PRKAG2: variants seen among roughly 807,000 people sequenced by gnomAD.
PRKAG2 encodes protein kinase AMP-activated non-catalytic subunit gamma 2.
Under a neutral mutation model 69.6 loss-of-function variants are expected in PRKAG2, and 26 were observed. The observed-to-expected ratio is 0.37, with a 90% confidence interval of 0.27 to 0.52. The LOEUF is 0.52. Among genes scored for constraint, PRKAG2 ranks in the 20% least tolerant of loss-of-function variants. The pLI is 0.90. For synonymous variants in PRKAG2, 293 were observed against 285.0 expected (o/e 1.03, Z -0.28); for missense variants, 557 against 740.0 (o/e 0.75, Z 2.87).
intron 4 of PRKAG2, among the ~76,000 whole-genome samples, chr7:151,653,332 G>C (rs1290287913): frequency 6.6e-6 from 1 of 152,090 alleles, no homozygotes; most frequent in Non-Finnish European, 1.5e-5. Context: ...GACTATTCTA[G>C]TGCTGATTAA....
chr7:151,827,599 T>C (rs1200341452), intron 1 of PRKAG2, among the ~76,000 whole-genome samples: 4 of 151,940 alleles, frequency 2.6e-5, no homozygotes, highest in Non-Finnish European at 5.9e-5. Flanking sequence ...AATAGGTAGG[T>C]AGACCTAGAG....
intron 2 of PRKAG2, 71 bp downstream of exon 2, chr7:151,786,398 TG>T: frequency 7.1e-7 from 1 of 1,418,250 alleles, no homozygotes; most frequent in Non-Finnish European, 9.8e-7. Flanking sequence ...CAGGTGGAAG[TG>T]GGCTCAGGCT....
intron 1 of PRKAG2, among the ~76,000 whole-genome samples, chr7:151,827,775 C>T (rs1340533781): frequency 2.1e-5 from 1 of 47,938 alleles, no homozygotes; most frequent in Non-Finnish European, 4.8e-5. Context: ...AAAAAAAAAA[C>T]TGCCTTGCTG....
At chr7:151,706,848 T>C (rs1585928164) in intron 3 of PRKAG2, among the ~76,000 whole-genome samples, 1 of 152,136 alleles carries the variant, frequency 6.6e-6, no homozygotes, top group South Asian at 2.1e-4. Context: ...CCCATGCATC[T>C]CAGCCCAATT....
At chr7:151,749,686 G>A (rs1276623978) in intron 3 of PRKAG2, among the ~76,000 whole-genome samples, 1 of 151,652 alleles carries the variant, frequency 6.6e-6, no homozygotes, top group African/African-American at 2.4e-5. Context: ...AGACACACAG[G>A]TGGCCAAAAG....
In PRKAG2 at chr7:151,685,767, T is replaced by TA. The variant is rs55879822; in HGVS notation, c.467-10131dup. Among the ~76,000 whole-genome samples, 968 of 145,648 alleles carry TA rather than the reference T, an allele frequency of 6.6e-3. 14 individuals carry two copies. The highest frequency in any genetic ancestry group is 0.023 in the African/African-American group (905 of 39,260). On this transcript the variant is annotated intron_variant, in intron 3 of 15. Transcript: ENST00000287878. ...CTGGGTGACAGAAAGACCCTGTCTCTAAAAAAAAAAAAAAAAATTCTAATA... is the reference window on the plus strand; with the variant it reads ...CTGGGTGACAGAAAGACCCTGTCTCTAAAAAAAAAAAAAAAAAATTCTAATA...
At chr7:151,818,414 C>T (rs2078695289) in intron 1 of PRKAG2, among the ~76,000 whole-genome samples, 1 of 151,662 alleles carries the variant, frequency 6.6e-6, no homozygotes, top group Non-Finnish European at 1.5e-5. Flanking sequence ...ACCTAAAAGT[C>T]AAATGCTGCA....
rs988068677 is a variant in PRKAG2, at chr7:151,579,114, T to G, written c.865-2662A>C. 5.9e-5 allele frequency among the ~76,000 whole-genome samples: 9 copies of G among 152,358 alleles called. No individual in the cohort carries two copies. The East Asian group carries it at 1.5e-3, about 26-fold the overall frequency. On this transcript the variant is annotated intron_variant, in intron 6 of 15. Coordinates refer to ENST00000287878, the MANE Select transcript of PRKAG2 (RefSeq NM_016203.4). ...TCACTGCACCCCTCCCCGCTGCCCC[T>G]GCCGGGCTCAAGTGATTCTCCCACC...
In PRKAG2 at chr7:151,599,145, G is replaced by A. The variant is rs947134892; in HGVS notation, c.755-3691C>T. Among the ~76,000 whole-genome samples the A allele has an allele frequency of 6.5e-4, 99 of 152,094 alleles. 5 individuals carry two copies. Among genetic ancestry groups the A allele is most frequent in the South Asian group, 2.1e-4 (1 of 4,834 alleles). ...TGGGATTACAGGTGTGAGCCACTGT[G>A]CCCAGCCCTAACTGACAATTTAAAC... On this transcript the variant is annotated intron_variant, in intron 5 of 15. Coordinates refer to ENST00000287878, the MANE Select transcript of PRKAG2 (RefSeq NM_016203.4).
At chr7:151,602,919 T>A (rs1816467101) in intron 5 of PRKAG2, among the ~76,000 whole-genome samples, 1 of 152,206 alleles carries the variant, frequency 6.6e-6, no homozygotes, top group African/African-American at 2.4e-5. Flanking sequence ...TCAGCCATGA[T>A]TGTAAGTTTC....
At chr7:151,845,255 T>A (rs916627358) in intron 1 of PRKAG2, among the ~76,000 whole-genome samples, 1 of 152,058 alleles carries the variant, frequency 6.6e-6, no homozygotes, top group Non-Finnish European at 1.5e-5. Context: ...CCTTCTCAGG[T>A]GAAGACGTTG....
At chr7:151,782,669 T>C (rs551532758) in intron 2 of PRKAG2, among the ~76,000 whole-genome samples, 1 of 152,196 alleles carries the variant, frequency 6.6e-6, no homozygotes, top group African/African-American at 2.4e-5. Flanking sequence ...CTCTGCCACC[T>C]GCTGAGCCAA....
rs1002813984 is a variant in PRKAG2, at chr7:151,807,603, C to A, written c.115-21062G>T. 2 of 457,688 alleles carry A rather than the reference C, an allele frequency of 4.4e-6. No individual in the cohort carries two copies. The highest frequency in any genetic ancestry group is 2.0e-5 in the African/African-American group (1 of 50,068). The allele number at this position is 457,688 out of a possible 1,614,324, so 28.4% of individuals were successfully genotyped here. ...TGCCACGGAGGTAGGAAGAATGATTCGTTTGCCACCAAAAGCCCAGTTTCT... is the reference window on the plus strand; with the variant it reads ...TGCCACGGAGGTAGGAAGAATGATTAGTTTGCCACCAAAAGCCCAGTTTCT... On this transcript the variant is annotated intron_variant, in intron 1 of 15. Transcript: ENST00000287878. The surrounding 1 kb of genome is among the most constrained non-coding windows in gnomAD (Gnocchi z 4.4).
chr7:151,791,970 C>G (rs2077289368), intron 1 of PRKAG2, among the ~76,000 whole-genome samples: 1 of 152,214 alleles, frequency 6.6e-6, no homozygotes, highest in African/African-American at 2.4e-5. Flanking sequence ...GAGGTTAAGT[C>G]ATTTGCCCAA....
intron 4 of PRKAG2, among the ~76,000 whole-genome samples, chr7:151,654,157 T>C (rs1018605126): frequency 2.6e-5 from 4 of 152,208 alleles, no homozygotes; most frequent in African/African-American, 7.2e-5. Context: ...ACAGTGTTCA[T>C]TGGCTGATCA....
chr7:151,838,290 T>C (rs1415914937), intron 1 of PRKAG2, among the ~76,000 whole-genome samples: 1 of 152,034 alleles, frequency 6.6e-6, no homozygotes, highest in Non-Finnish European at 1.5e-5. Flanking sequence ...CTGGTGTCCC[T>C]TGACTTGGAC....
intron 6 of PRKAG2, among the ~76,000 whole-genome samples, chr7:151,587,411 C>T (rs1811949007): frequency 6.6e-6 from 1 of 152,090 alleles, no homozygotes; most frequent in African/African-American, 2.4e-5. Context: ...AGCGTCACTC[C>T]CCATGGCTAA....
intron 1 of PRKAG2, among the ~76,000 whole-genome samples, chr7:151,840,327 A>G (rs2079246439): frequency 1.3e-5 from 2 of 152,076 alleles, no homozygotes; most frequent in African/African-American, 4.8e-5. Context: ...GTGTAGAGAA[A>G]GCAGCAGCTG....
chr7:151,737,499 C>A (rs961447923), intron 3 of PRKAG2, among the ~76,000 whole-genome samples: 9 of 152,172 alleles, frequency 5.9e-5, no homozygotes, highest in African/African-American at 2.2e-4. Flanking sequence ...GTTCTTCTGG[C>A]CGCCCACTAG....
Sources: gnomAD v4.1 joint callset for allele counts (sites outside exome capture counted in the v4.1 genomes callset) on GRCh38, gnomAD v4.1.1 for gene constraint, Gnocchi (gnomAD v3.1) non-coding constraint, MANE v1.5 for transcripts, NCBI Gene and HGNC (gene_info 2026-07-23, HGNC 2026-07-21) for gene names.